Variants in PAX2 observed in about 807,000 individuals in gnomAD.
PAX2 encodes paired box 2.
Under a neutral mutation model 41.7 loss-of-function variants are expected in PAX2, and 9 were observed. That is an observed-to-expected ratio of 0.22 (90% confidence interval 0.13 to 0.38). PAX2 has a LOEUF of 0.38. PAX2 is among the 10% of genes least tolerant of loss of function. The pLI, the probability that PAX2 is intolerant of heterozygous loss-of-function variation, is 1.00. For synonymous variants in PAX2, 221 were observed against 212.7 expected, an observed-to-expected ratio of 1.04 and a Z score of -0.34; for missense variants, 418 against 531.6, an observed-to-expected ratio of 0.79 and a Z score of 2.10.
At chr10:100,752,273 G>A (rs549519771) in intron 3 of PAX2, among the ~76,000 whole-genome samples, 10 of 152,294 alleles carry the variant, frequency 6.6e-5, no homozygotes, top group African/African-American at 2.2e-4. Flanking sequence ...CAGCTCCCTC[G>A]GCCTGGCTCA....
At chr10:100,779,331 GAAAAC>G (rs1846516010) in intron 3 of PAX2, among the ~76,000 whole-genome samples, 162 bp from the exon 4 acceptor site, 1 of 152,228 alleles carries the variant, frequency 6.6e-6, no homozygotes, top group Non-Finnish European at 1.5e-5. Context: ...CCAACAGAAG[GAAAAC>G]CCTGTGCCTT....
At chr10:100,759,389 G>A (rs889077461) in intron 3 of PAX2, among the ~76,000 whole-genome samples, 4 of 152,344 alleles carry the variant, frequency 2.6e-5, no homozygotes, top group Non-Finnish European at 5.9e-5. Context: ...CAATGGTCTG[G>A]CTGTGGCCCC....
At chr10:100,806,074 C>T (rs1306883087) in intron 5 of PAX2, among the ~76,000 whole-genome samples, 2 of 152,208 alleles carry the variant, frequency 1.3e-5, no homozygotes, top group Non-Finnish European at 1.5e-5. Context: ...CTTTCTTCCC[C>T]AGGCTGGCCC....
intron 1 of PAX2, among the ~76,000 whole-genome samples, chr10:100,737,834 C>G (rs995342940): frequency 2.6e-5 from 4 of 152,202 alleles, no homozygotes; most frequent in Admixed American, 2.6e-4. Context: ...ACGTGCCTGC[C>G]GGACGTCCTG....
chr10:100,744,550 C>G (rs1286853759), upstream of PAX2, among the ~76,000 whole-genome samples: 1 of 152,230 alleles, frequency 6.6e-6, no homozygotes, highest in African/African-American at 2.4e-5. Flanking sequence ...CGTGGTTGCG[C>G]CTCCTGCGCT....
chr10:100,749,660 T>G (rs965394662), intron 1 of PAX2, 86 bp from the exon 2 acceptor site: 30 of 1,543,132 alleles, frequency 1.9e-5, no homozygotes, highest in Non-Finnish European at 2.6e-5. Flanking sequence ...GCCTGCTTCC[T>G]TCGCCCGTCC....
intron 5 of PAX2, among the ~76,000 whole-genome samples, chr10:100,782,745 T>A (rs755528673): frequency 7.9e-5 from 12 of 152,272 alleles, no homozygotes; most frequent in Non-Finnish European, 1.5e-4. Context: ...TTCACTAAAT[T>A]TCATTGTGGT....
chr10:100,753,466 C>G (rs371973266), intron 3 of PAX2, among the ~76,000 whole-genome samples: 40 of 152,264 alleles, frequency 2.6e-4, no homozygotes, highest in Middle Eastern at 3.4e-3. Flanking sequence ...GAAACTTTGC[C>G]TTTTATCAGT....
In PAX2 at chr10:100,783,031, G is replaced by A. The variant is rs551631975; in HGVS notation, c.616+1666G>A. ...GGCTGTGGCCAAGTATGCCAACCTC[G>A]TGGCCAAGTATGCCCTCTGCTGCAT... is the stretch of plus-strand genomic sequence containing the variant. On this transcript the variant is annotated intron_variant, in intron 5 of 9. Transcript: ENST00000355243. Among the ~76,000 whole-genome samples the A allele has an allele frequency of 9.4e-4, 143 of 152,346 alleles. 1 individual carries two copies. The highest frequency in any genetic ancestry group is 1.9e-3 in the South Asian group (9 of 4,830).
At chr10:100,788,907 C>T (rs531332024) in intron 5 of PAX2, among the ~76,000 whole-genome samples, 1 of 152,208 alleles carries the variant, frequency 6.6e-6, no homozygotes, top group African/African-American at 2.4e-5. Context: ...GACACACACA[C>T]ATGCACACCC....
chr10:100,779,537 G>T lies in PAX2; in HGVS notation c.450G>T (p.Thr150=). 1.9e-6 allele frequency: 3 copies of T among 1,597,032 alleles called. No homozygotes were observed. The highest frequency in any genetic ancestry group is 2.6e-6 in the Non-Finnish European group (3 of 1,172,220). ...AAGTTCAGCAGCCTTTCCACCCAAC[G>T]CCGGATGGGGCTGGGACAGGAGTGA... ...RTKVQQPFHP[T]PDGAGTGVTA... is the part of the protein sequence containing the mutation. Residue 150 remains threonine, a synonymous_variant, in exon 4 of 10, where the codon ACG becomes ACT. Transcript: ENST00000355243.
chr10:100,820,187 C>G (rs182092285), intron 7 of PAX2, among the ~76,000 whole-genome samples: 223 of 152,270 alleles, frequency 1.5e-3, no homozygotes, highest in African/African-American at 5.1e-3. Context: ...ACAGCCATGA[C>G]GATATGAGAC....
chr10:100,751,601 C>T (rs970186900), intron 3 of PAX2, among the ~76,000 whole-genome samples: 1 of 152,188 alleles, frequency 6.6e-6, no homozygotes, highest in Admixed American at 6.5e-5. Context: ...GGCTCACACA[C>T]GTGAGGACAG....
At position 100,791,143 on chromosome 10, in the gene PAX2, C is replaced by T. The variant is rs1354773794; in HGVS notation, c.616+9778C>T. ...TTTGGCTGCCCCCATGAAATGTCAGCATCCCCTCCCTCCCTGAGGCTCCGC... is the reference window on the plus strand; with the variant it reads ...TTTGGCTGCCCCCATGAAATGTCAGTATCCCCTCCCTCCCTGAGGCTCCGC... On this transcript the variant is annotated intron_variant, in intron 5 of 9. Transcript: ENST00000355243. The surrounding 1 kb of genome is among the most constrained non-coding windows in gnomAD (Gnocchi z 4.5). Among the ~76,000 whole-genome samples, 1 of 152,216 alleles carries T rather than the reference C, an allele frequency of 6.6e-6. No homozygotes were observed. The highest frequency in any genetic ancestry group is 6.5e-5 in the Admixed American group (1 of 15,288).
At chr10:100,817,713 G>T (rs1848237889) in intron 7 of PAX2, among the ~76,000 whole-genome samples, 1 of 152,118 alleles carries the variant, frequency 6.6e-6, no homozygotes, top group South Asian at 2.1e-4. Context: ...CTCAGGTGGG[G>T]TATGGGGCTG....
At chr10:100,810,834 T>C (rs1174468343) in intron 7 of PAX2, among the ~76,000 whole-genome samples, 1 of 152,048 alleles carries the variant, frequency 6.6e-6, no homozygotes, top group Non-Finnish European at 1.5e-5. Context: ...GAGAAGTGCC[T>C]CCACCTTGAG....
intron 7 of PAX2, among the ~76,000 whole-genome samples, chr10:100,813,218 C>T (rs1006206673): frequency 6.6e-6 from 1 of 152,222 alleles, no homozygotes; most frequent in African/African-American, 2.4e-5. Context: ...CTCTAGTGGG[C>T]ATTGCTGCCG....
At chr10:100,774,051 G>A (rs1846303872) in intron 3 of PAX2, among the ~76,000 whole-genome samples, 1 of 152,178 alleles carries the variant, frequency 6.6e-6, no homozygotes, top group African/African-American at 2.4e-5. Flanking sequence ...GAAGAAGAGA[G>A]GGACAGAGAG....
At chr10:100,743,459 A>G (rs1305397530), upstream of PAX2, among the ~76,000 whole-genome samples, 1 of 152,036 alleles carries the variant, frequency 6.6e-6, no homozygotes, top group South Asian at 2.1e-4. Flanking sequence ...TCTTCCTTCA[A>G]TAGTTCACAC....
Sources: allele counts gnomAD v4.1 joint callset (sites outside exome capture counted in the v4.1 genomes callset), GRCh38; gene constraint gnomAD v4.1.1; non-coding constraint Gnocchi (gnomAD v3.1); transcripts MANE v1.5; gene names NCBI Gene and HGNC (gene_info 2026-07-23, HGNC 2026-07-21).